Variants in GOLGA6L9 observed in about 807,000 individuals in gnomAD.
The protein encoded by GOLGA6L9 is golgin A6 family like 9.
A neutral mutation model predicts 51.3 loss-of-function variants in GOLGA6L9; 19 were observed. The observed-to-expected ratio is 0.37, with a 90% CI of 0.26 to 0.54. The LOEUF (loss-of-function observed/expected upper bound fraction) is 0.54, where lower values mean the gene tolerates loss of function less well. GOLGA6L9 is among the 20% of genes least tolerant of loss of function. The probability of loss-of-function intolerance (pLI) is 0.83; values close to 1 mark genes in which losing one functional copy is unlikely to be tolerated. For missense variants in GOLGA6L9, 247 were observed against 464.1 expected (o/e 0.53, Z 4.30); for synonymous variants, 97 against 184.2 (o/e 0.53, Z 3.83).
upstream of GOLGA6L9, among the ~76,000 whole-genome samples, chr15:82,429,774 T>C (rs2031339230): frequency 1.3e-5 from 2 of 152,182 alleles, no homozygotes; most frequent in South Asian, 2.1e-4. Flanking sequence ...TTTAAAGCTT[T>C]TAAAGCAAAA....
chr15:82,430,054 G>A lies in GOLGA6L9; in HGVS notation c.-26G>A. ...TGCCTGGTAGGTGACTGGAGGCATT[G>A]AGCAGTGCTCACTGGTATTTCGCTG... is the stretch of plus-strand genomic sequence containing the variant. On this transcript the variant is annotated 5_prime_UTR_variant, in exon 1 of 9. Transcript: ENST00000618348. 1.4e-6 allele frequency: 1 copy of A among 711,782 alleles called. No individual in the cohort carries two copies. The highest frequency in any genetic ancestry group is 2.6e-6 in the Non-Finnish European group (1 of 390,432). 44.1% of individuals were successfully genotyped at this position (711,782 alleles called of 1,614,324 possible).
At chr15:82,429,107 C>T (rs1435118954), upstream of GOLGA6L9, among the ~76,000 whole-genome samples, 3 of 151,586 alleles carry the variant, frequency 2.0e-5, no homozygotes, top group East Asian at 1.9e-4. Flanking sequence ...TGGAGTCTTG[C>T]TCTGTCACCC....
chr15:82,436,582 T>G lies in GOLGA6L9; in HGVS notation c.*171T>G, dbSNP rs1262639881. The G allele has an allele frequency of 3.4e-4, 227 of 663,852 alleles. 5 individuals carry two copies. The highest frequency in any genetic ancestry group is 3.1e-3 in the African/African-American group (173 of 55,562). The allele number at this position is 663,852 out of a possible 1,614,324, so 41.1% of individuals were successfully genotyped here. On this transcript the variant is annotated 3_prime_UTR_variant, in exon 9 of 9. Coordinates refer to ENST00000618348, the MANE Select transcript of GOLGA6L9 (RefSeq NM_198181.4). The stretch of plus-strand genomic sequence containing the variant: ...AGTTTAAATTTATTTGTTTCTAATT[T>G]ATAGTTTAAATTTATTTGTGTTTCT...
In GOLGA6L9 at chr15:82,437,922, A is replaced by G. The variant is rs2031764818; in HGVS notation, c.*1511A>G. 2 of 151,238 alleles carry G rather than the reference A, an allele frequency of 1.3e-5. No individual in the cohort carries two copies. Among genetic ancestry groups the G allele is most frequent in the African/African-American group, 4.9e-5 (2 of 41,014 alleles). The allele number at this position is 151,238 out of a possible 1,614,324, so 9.4% of individuals were successfully genotyped here. A position where few individuals can be genotyped will look rare whatever the true frequency, so the allele number is the denominator to read the frequency against. The stretch of plus-strand genomic sequence containing the variant: ...AGTGAAATATGTTTTTATACCTCTC[A>G]GTTTCAGTTAGAGGCATATTTTGTG... On this transcript the variant is annotated 3_prime_UTR_variant, in exon 9 of 9. Coordinates refer to ENST00000618348, the MANE Select transcript of GOLGA6L9 (RefSeq NM_198181.4).
At chr15:82,418,107 G>T in the GOLGA6L9 span, among the ~76,000 whole-genome samples, 1 of 152,212 alleles carries the variant, frequency 6.6e-6, no homozygotes, top group African/African-American at 2.4e-5. Context: ...CAGGGCAAGG[G>T]AGTTAAAGAG....
At chr15:82,424,264 G>A in the GOLGA6L9 span, among the ~76,000 whole-genome samples, 2 of 151,624 alleles carry the variant, frequency 1.3e-5, no homozygotes, top group Non-Finnish European at 2.9e-5. Context: ...TAAAGACGAG[G>A]TTTCACCATG....
the GOLGA6L9 span, among the ~76,000 whole-genome samples, chr15:82,420,536 C>T: frequency 6.6e-6 from 1 of 152,144 alleles, no homozygotes; most frequent in Non-Finnish European, 1.5e-5. Context: ...TTTATTAGCT[C>T]TTTCAGTCCT....
At chr15:82,433,336 G>A (rs1269803545) in intron 4 of GOLGA6L9, among the ~76,000 whole-genome samples, 3 of 152,052 alleles carry the variant, frequency 2.0e-5, no homozygotes, top group Non-Finnish European at 4.4e-5. Flanking sequence ...AAGGCCCCTA[G>A]AATGGAAAGC....
upstream of GOLGA6L9, among the ~76,000 whole-genome samples, chr15:82,429,787 C>T (rs1264128337): frequency 6.6e-6 from 1 of 152,134 alleles, no homozygotes; most frequent in Middle Eastern, 3.2e-3. Flanking sequence ...AAGCAAAAGC[C>T]AGCCCCTCCC....
In GOLGA6L9 at chr15:82,431,935, C is replaced by T; in HGVS notation, c.190C>T (p.His64Tyr). 1 of 1,352,528 alleles carries T rather than the reference C, an allele frequency of 7.4e-7. No homozygotes were observed. The highest frequency in any genetic ancestry group is 9.8e-7 in the Non-Finnish European group (1 of 1,022,610). 83.8% of individuals were successfully genotyped at this position (1,352,528 alleles called of 1,614,324 possible). Residue 64 changes from histidine (H) to tyrosine (Y), a missense_variant, in exon 2 of 9, where the codon CAC (histidine) becomes TAC (tyrosine). By Grantham distance (83) the His-to-Tyr change is moderately conservative. Transcript: ENST00000618348. The part of the protein sequence containing the change: ...SPDTFTSGGY[H>Y]SPGDSATGIY... Reference sequence around the variant, plus strand: ...TGACACATTCACTTCTGGTGGTTACCACTCACCTGGGGATGTGAGTCTCGG... The same window carrying T: ...TGACACATTCACTTCTGGTGGTTACTACTCACCTGGGGATGTGAGTCTCGG...
At chr15:82,418,907 T>A in the GOLGA6L9 span, 4 of 152,292 alleles carry the variant, frequency 2.6e-5, no homozygotes, top group African/African-American at 9.6e-5. Context: ...TCTTCTGCCC[T>A]GATTCTTTGG....
At chr15:82,433,184 C>A (rs62011157) in intron 4 of GOLGA6L9, among the ~76,000 whole-genome samples, 2 of 149,074 alleles carry the variant, frequency 1.3e-5, no homozygotes, top group Non-Finnish European at 3.0e-5. Context: ...GACTGGTTGT[C>A]AGAGGTCCAT....
chr15:82,438,202 C>T lies in GOLGA6L9; in HGVS notation c.*1791C>T, dbSNP rs1036763552. ...TAGTTCAAATCGCTTCACTTTTACC[C>T]TGACACGTATAAATGACTAGGAATG... is the stretch of plus-strand genomic sequence containing the variant. On this transcript the variant is annotated 3_prime_UTR_variant, in exon 9 of 9. Coordinates refer to ENST00000618348, the MANE Select transcript of GOLGA6L9 (RefSeq NM_198181.4). 2 of 148,064 alleles carry T rather than the reference C, an allele frequency of 1.4e-5. No individual in the cohort carries two copies. Among genetic ancestry groups the T allele is most frequent in the African/African-American group, 5.0e-5 (2 of 39,906 alleles). The allele number at this position is 148,064 out of a possible 1,614,324, so 9.2% of individuals were successfully genotyped here.
rs995332127 is a variant in GOLGA6L9, at chr15:82,438,210, T to C, written c.*1799T>C. 2.0e-5 allele frequency: 3 copies of C among 148,314 alleles called. No homozygotes were observed. Among genetic ancestry groups the C allele is most frequent in the African/African-American group, 7.5e-5 (3 of 39,970 alleles). The allele number at this position is 148,314 out of a possible 1,614,324, so 9.2% of individuals were successfully genotyped here. A position where few individuals can be genotyped will look rare whatever the true frequency, so the allele number is the denominator to read the frequency against. ...ATCGCTTCACTTTTACCCTGACACG[T>C]ATAAATGACTAGGAATGACCTTCAG... On this transcript the variant is annotated 3_prime_UTR_variant, in exon 9 of 9. Coordinates refer to ENST00000618348, the MANE Select transcript of GOLGA6L9 (RefSeq NM_198181.4).
chr15:82,433,351 G>A (rs1441384327), intron 4 of GOLGA6L9, among the ~76,000 whole-genome samples: 3 of 151,884 alleles, frequency 2.0e-5, no homozygotes, highest in African/African-American at 7.3e-5. Flanking sequence ...GAAAGCTCAG[G>A]GCGAAGGGCT....
At chr15:82,419,566 T>C in the GOLGA6L9 span, among the ~76,000 whole-genome samples, 3 of 151,812 alleles carry the variant, frequency 2.0e-5, no homozygotes, top group South Asian at 2.1e-4. Flanking sequence ...AGGAGAATTG[T>C]GTGAACCCGG....
chr15:82,433,905 G>C (rs2031530230), intron 5 of GOLGA6L9, 129 bp from the exon 6 acceptor site: 1 of 1,270,396 alleles, frequency 7.9e-7, no homozygotes, highest in Non-Finnish European at 1.0e-6. Flanking sequence ...TACCATCCGG[G>C]TGTGAGGAGT....
intron 5 of GOLGA6L9, 74 bp from the exon 6 acceptor site, chr15:82,433,960 G>T (rs2031533102): frequency 6.7e-7 from 1 of 1,482,998 alleles, no homozygotes; most frequent in Non-Finnish European, 8.8e-7. Context: ...AGGAGGAGCT[G>T]TGCACCAAAG....
At chr15:82,422,064 TTA>T in the GOLGA6L9 span, among the ~76,000 whole-genome samples, 1 of 139,840 alleles carries the variant, frequency 7.2e-6, no homozygotes, top group Non-Finnish European at 1.5e-5. Flanking sequence ...GGTTAGACAA[TTA>T]TCTCCCAAAA....
Sources: gnomAD v4.1 joint callset for allele counts (sites outside exome capture counted in the v4.1 genomes callset) on GRCh38, gnomAD v4.1.1 for gene constraint, MANE v1.5 for transcripts, NCBI Gene and HGNC (gene_info 2026-07-23, HGNC 2026-07-21) for gene names.